Variants in CRADD observed in about 807,000 individuals in gnomAD.
CRADD encodes the protein CARD and death domain containing adaptor protein, also known as death domain-containing protein CRADD.
A neutral mutation model predicts 15.5 loss-of-function variants in CRADD; 9 were observed. That is an observed-to-expected ratio of 0.58 (90% CI 0.35 to 1.01). CRADD has a LOEUF of 1.01. Among genes scored for constraint, CRADD ranks in the 50% least tolerant of loss-of-function variants. The pLI is 0.02. For missense variants in CRADD, 227 were observed against 250.3 expected, an observed-to-expected ratio of 0.91 and a Z score of 0.63; for synonymous variants, 118 against 107.6, an observed-to-expected ratio of 1.10 and a Z score of -0.60.
intron 2 of CRADD, among the ~76,000 whole-genome samples, chr12:93,759,845 C>G (rs1956929807): frequency 6.6e-6 from 1 of 152,108 alleles, no homozygotes; most frequent in Non-Finnish European, 1.5e-5. Context: ...GGGAGAACAA[C>G]AAGGACTGTT....
intron 2 of CRADD, among the ~76,000 whole-genome samples, chr12:93,753,789 G>GC (rs1345053075): frequency 2.0e-5 from 3 of 152,200 alleles, no homozygotes; most frequent in African/African-American, 7.2e-5. Context: ...GCAGGGTATA[G>GC]CCCCCCTCCC....
rs11295660 is a variant in CRADD, at chr12:93,859,893, ATT to A, written c.299-34143_299-34142del. Among the ~76,000 whole-genome samples, 859 of 147,064 alleles carry A rather than the reference ATT, an allele frequency of 5.8e-3. 1 individual carries two copies. Among genetic ancestry groups the A allele is most frequent in the Non-Finnish European group, 7.1e-3 (471 of 66,772 alleles). ...ACAGGCGCACCACCCCGACCAGCTA[ATT>A]TTTTTTTTTTTTTATATAGAGATGG... On this transcript the variant is annotated intron_variant, in intron 2 of 2. Transcript: ENST00000548483.
intron 2 of CRADD, among the ~76,000 whole-genome samples, chr12:93,783,804 A>C (rs536327091): frequency 6.6e-6 from 1 of 152,234 alleles, no homozygotes; most frequent in African/African-American, 2.4e-5. Context: ...AAAAATGTCA[A>C]AGCAAATGAA....
At chr12:93,691,631 A>G (rs750622059) in intron 2 of CRADD, among the ~76,000 whole-genome samples, 8 of 152,192 alleles carry the variant, frequency 5.3e-5, no homozygotes, top group Non-Finnish European at 8.8e-5. Flanking sequence ...TCTAAGTAAT[A>G]CAGGAATGGC....
intron 2 of CRADD, among the ~76,000 whole-genome samples, chr12:93,863,026 C>T (rs577281387): frequency 2.6e-5 from 4 of 152,208 alleles, no homozygotes; most frequent in African/African-American, 4.8e-5. Context: ...GAAAGAGACC[C>T]GTGGTTTTCT....
At chr12:93,691,231 A>G (rs779076915) in intron 2 of CRADD, among the ~76,000 whole-genome samples, 7 of 150,596 alleles carry the variant, frequency 4.6e-5, no homozygotes, top group Non-Finnish European at 1.0e-4. Context: ...GGAAAACTTA[A>G]TATAAAGAAT....
chr12:93,681,473 A>G (rs1955299333), intron 2 of CRADD, among the ~76,000 whole-genome samples: 1 of 152,234 alleles, frequency 6.6e-6, no homozygotes, highest in Non-Finnish European at 1.5e-5. Context: ...ATTGAAAAAA[A>G]CATTCTGAAG....
At chr12:93,835,884 G>T (rs1439735870) in intron 2 of CRADD, among the ~76,000 whole-genome samples, 1 of 152,082 alleles carries the variant, frequency 6.6e-6, no homozygotes, top group Non-Finnish European at 1.5e-5. Context: ...ATCCACTGGG[G>T]TGATTTCTCC....
chr12:93,771,007 A>G (rs984794595), intron 2 of CRADD, among the ~76,000 whole-genome samples: 15 of 152,206 alleles, frequency 9.9e-5, no homozygotes, highest in African/African-American at 2.9e-4. Flanking sequence ...TAATTCATTG[A>G]AAGTTTTATG....
intron 2 of CRADD, among the ~76,000 whole-genome samples, chr12:93,805,766 A>T (rs1010971674): frequency 6.6e-6 from 1 of 152,158 alleles, no homozygotes; most frequent in African/African-American, 2.4e-5. Context: ...CTTGTACCCC[A>T]TGCAGCAGCC....
intron 2 of CRADD, among the ~76,000 whole-genome samples, chr12:93,754,101 T>G (rs1956861806): frequency 6.6e-6 from 1 of 152,260 alleles, no homozygotes; most frequent in South Asian, 2.1e-4. Flanking sequence ...TCTTGTTTTC[T>G]GTGCACCTGC....
At position 93,762,344 on chromosome 12, in the gene CRADD, G is replaced by A. The variant is rs1365399578; in HGVS notation, c.298+83272G>A. ...AAGGCTGCTTCCTTGTCTTTAAGGGGTTTGTAGTCCATTGGAGAGATATGT... is the reference window on the plus strand; with the variant it reads ...AAGGCTGCTTCCTTGTCTTTAAGGGATTTGTAGTCCATTGGAGAGATATGT... On this transcript the variant is annotated intron_variant, in intron 2 of 2. Transcript: ENST00000332896. 2.0e-5 allele frequency among the ~76,000 whole-genome samples: 3 copies of A among 152,214 alleles called. 1 individual carries two copies. Among genetic ancestry groups the A allele is most frequent in the Admixed American group, 1.3e-4 (2 of 15,286 alleles).
chr12:93,892,968 G>T (rs149794957), intron 2 of CRADD, among the ~76,000 whole-genome samples: 7 of 152,210 alleles, frequency 4.6e-5, no homozygotes, highest in African/African-American at 1.4e-4. Flanking sequence ...TCTTCCGAAA[G>T]AACACAGGCT....
intron 2 of CRADD, among the ~76,000 whole-genome samples, chr12:93,834,491 G>A (rs958309318): frequency 3.3e-5 from 5 of 151,928 alleles, no homozygotes; most frequent in African/African-American, 1.2e-4. Flanking sequence ...AATTAGTTTG[G>A]TTTTTTTCTT....
At chr12:93,821,283 C>T (rs1957766926) in intron 2 of CRADD, among the ~76,000 whole-genome samples, 2 of 152,214 alleles carry the variant, frequency 1.3e-5, no homozygotes, top group African/African-American at 2.4e-5. Flanking sequence ...GTGTTCTATA[C>T]TCATTTATAT....
At chr12:93,742,358 T>C (rs1956683140) in intron 2 of CRADD, among the ~76,000 whole-genome samples, 1 of 151,522 alleles carries the variant, frequency 6.6e-6, no homozygotes, top group Non-Finnish European at 1.5e-5. Flanking sequence ...CTGTGGGAGC[T>C]GCAGATAAGC....
intron 2 of CRADD, among the ~76,000 whole-genome samples, chr12:93,775,978 T>C (rs1487873049): frequency 6.6e-6 from 1 of 152,202 alleles, no homozygotes; most frequent in Non-Finnish European, 1.5e-5. Flanking sequence ...AAATGCAAAG[T>C]GATTTTCTCT....
chr12:93,745,757 G>GT (rs1298473806), intron 2 of CRADD, among the ~76,000 whole-genome samples: 2 of 152,184 alleles, frequency 1.3e-5, no homozygotes, highest in Non-Finnish European at 2.9e-5. Flanking sequence ...GGTATAGAAG[G>GT]TTTTAATTAT....
chr12:93,734,575 C>G (rs1031791110), intron 2 of CRADD, among the ~76,000 whole-genome samples: 1 of 152,204 alleles, frequency 6.6e-6, no homozygotes, highest in Non-Finnish European at 1.5e-5. Context: ...GTGCACTCAA[C>G]TGAGCTGCTT....
Sources: allele counts gnomAD v4.1 joint callset (sites outside exome capture counted in the v4.1 genomes callset), GRCh38; gene constraint gnomAD v4.1.1; transcripts MANE v1.5; gene names NCBI Gene and HGNC (gene_info 2026-07-23, HGNC 2026-07-21).